Variants in SDCCAG8 observed in about 807,000 individuals in gnomAD.
SDCCAG8 encodes serologically defined colon cancer antigen 8.
A neutral mutation model predicts 101.8 loss-of-function variants in SDCCAG8; 74 were observed. The observed-to-expected ratio is 0.73, with a 90% confidence interval of 0.60 to 0.88. The LOEUF is 0.88. Among genes scored for constraint, SDCCAG8 ranks in the 40% least tolerant of loss-of-function variants. The pLI, the probability that SDCCAG8 is intolerant of heterozygous loss-of-function variation, is 0.00. For synonymous variants in SDCCAG8, 281 were observed against 292.9 expected (o/e 0.96, Z 0.41); for missense variants, 787 against 822.6 (o/e 0.96, Z 0.53).
chr1:243,393,837 A>G (rs2078876365), intron 13 of SDCCAG8, among the ~76,000 whole-genome samples: 1 of 152,214 alleles, frequency 6.6e-6, no homozygotes, highest in African/African-American at 2.4e-5. Context: ...TGATACAGGC[A>G]TTTCTACTTA....
chr1:243,411,795 G>A (rs1245863583), intron 13 of SDCCAG8, among the ~76,000 whole-genome samples: 1 of 152,140 alleles, frequency 6.6e-6, no homozygotes, highest in African/African-American at 2.4e-5. Flanking sequence ...CCTAGCCATG[G>A]TTAGACTATA....
At chr1:243,466,778 A>T (rs1488175484) in intron 16 of SDCCAG8, among the ~76,000 whole-genome samples, 1 of 152,268 alleles carries the variant, frequency 6.6e-6, no homozygotes, top group Non-Finnish European at 1.5e-5. Context: ...GAAGGTGCTC[A>T]AGTCCAGCAG....
At position 243,293,498 on chromosome 1, in the gene SDCCAG8, T is replaced by C. The variant is rs768383689; in HGVS notation, c.675+279T>C. On this transcript the variant is annotated intron_variant, in intron 6 of 17. Transcript: ENST00000366541. ...GATGACCTCTCTTCAACTTTCGGTC[T>C]GTATAAATTTGCCTATTTCAGATAC... The C allele has an allele frequency of 2.0e-5, 11 of 562,216 alleles. No individual in the cohort carries two copies. The highest frequency in any genetic ancestry group is 3.7e-5 in the Non-Finnish European group (11 of 296,648). The allele number at this position is 562,216 out of a possible 1,614,324, so 34.8% of individuals were successfully genotyped here. A position where few individuals can be genotyped will look rare whatever the true frequency, so the allele number is the denominator to read the frequency against.
In SDCCAG8 at chr1:243,299,459, G is replaced by A. The variant is rs138827898; in HGVS notation, c.676-5254G>A. Among the ~76,000 whole-genome samples the A allele has an allele frequency of 1.4e-3, 218 of 152,208 alleles. 1 individual carries two copies. Among genetic ancestry groups the A allele is most frequent in the African/African-American group, 5.0e-3 (208 of 41,544 alleles). On this transcript the variant is annotated intron_variant, in intron 6 of 17. Coordinates refer to ENST00000366541, the MANE Select transcript of SDCCAG8 (RefSeq NM_006642.5). ...GCAGGGTTTCGCTTTTGTTGCCCAG[G>A]CTGGAGTGCAATGGCATGATCTTGG... is the stretch of plus-strand genomic sequence containing the variant.
intron 9 of SDCCAG8, among the ~76,000 whole-genome samples, chr1:243,320,207 C>T (rs1207943580): frequency 6.6e-6 from 1 of 152,136 alleles, no homozygotes; most frequent in Non-Finnish European, 1.5e-5. Context: ...GAGTTTCTAA[C>T]GTTTTCTTGA....
chr1:243,387,994 G>A (rs868646893), intron 13 of SDCCAG8, among the ~76,000 whole-genome samples: 5 of 152,268 alleles, frequency 3.3e-5, no homozygotes, highest in Middle Eastern at 3.4e-3. Flanking sequence ...AGGATTACAG[G>A]TGTGAGCCAC....
At chr1:243,380,344 T>C (rs1211166519) in intron 13 of SDCCAG8, among the ~76,000 whole-genome samples, 1 of 152,220 alleles carries the variant, frequency 6.6e-6, no homozygotes, top group Admixed American at 6.5e-5. Context: ...TAGTTTTTCT[T>C]TTCTGTCAGA....
chr1:243,341,256 C>A (rs2075366413), intron 11 of SDCCAG8, 83 bp downstream of exon 11: 3 of 1,495,300 alleles, frequency 2.0e-6, no homozygotes, highest in Admixed American at 3.5e-5. Flanking sequence ...AAAACTCTTA[C>A]TGTTATCAGG....
intron 12 of SDCCAG8, among the ~76,000 whole-genome samples, chr1:243,370,989 CA>C (rs1294961602): frequency 6.6e-6 from 1 of 152,066 alleles, no homozygotes; most frequent in Non-Finnish European, 1.5e-5. Context: ...AAGGTGTAGA[CA>C]GTGGGACTTG....
intron 1 of SDCCAG8, among the ~76,000 whole-genome samples, chr1:243,265,129 G>A (rs568862175): frequency 2.4e-4 from 37 of 152,162 alleles, no homozygotes; most frequent in Middle Eastern, 3.2e-3. Context: ...AATCATCTGA[G>A]TGTTATTCTT....
At chr1:243,354,890 C>T (rs1480315008) in intron 12 of SDCCAG8, among the ~76,000 whole-genome samples, 1 of 152,054 alleles carries the variant, frequency 6.6e-6, no homozygotes, top group African/African-American at 2.4e-5. Context: ...TTTACAGATC[C>T]CTGGCATGTT....
At chr1:243,497,054 T>C (rs74153904) in intron 17 of SDCCAG8, among the ~76,000 whole-genome samples, 2,005 of 152,236 alleles carry the variant, frequency 0.013, 41 homozygotes, top group African/African-American at 0.046. Flanking sequence ...GGCTGAGGGC[T>C]CATGTCCCAC....
chr1:243,298,194 G>A (rs377328656), intron 6 of SDCCAG8, among the ~76,000 whole-genome samples: 23 of 151,498 alleles, frequency 1.5e-4, no homozygotes, highest in Admixed American at 5.9e-4. Context: ...GATTACGGGC[G>A]CATGCCACCA....
At chr1:243,380,846 A>G (rs1178868930) in intron 13 of SDCCAG8, among the ~76,000 whole-genome samples, 1 of 152,194 alleles carries the variant, frequency 6.6e-6, no homozygotes, top group Admixed American at 6.5e-5. Flanking sequence ...TTTAAAGATG[A>G]CAATTAGAAA....
At chr1:243,492,604 GTTT>G (rs74162289) in intron 17 of SDCCAG8, among the ~76,000 whole-genome samples, 46 of 58,870 alleles carry the variant, frequency 7.8e-4, no homozygotes, top group African/African-American at 2.8e-3. Flanking sequence ...GCGCCCAGCT[GTTT>G]TTTTTTTTTT....
intron 1 of SDCCAG8, among the ~76,000 whole-genome samples, chr1:243,256,644 G>A (rs376871274): frequency 2.0e-5 from 3 of 152,190 alleles, no homozygotes; most frequent in African/African-American, 7.2e-5. Context: ...TCAGTGGGGG[G>A]AAACACTAAT....
chr1:243,457,396 C>T (rs2083845967), intron 16 of SDCCAG8, among the ~76,000 whole-genome samples: 1 of 152,116 alleles, frequency 6.6e-6, no homozygotes, highest in Non-Finnish European at 1.5e-5. Context: ...TCATTCAGAA[C>T]CGAATATTTT....
chr1:243,411,397 G>T (rs536539706), intron 13 of SDCCAG8, among the ~76,000 whole-genome samples: 4 of 152,260 alleles, frequency 2.6e-5, no homozygotes. Context: ...GATTACAGGT[G>T]TAAGCCACTG....
chr1:243,285,625 C>T (rs543881698), intron 4 of SDCCAG8, among the ~76,000 whole-genome samples: 4 of 152,248 alleles, frequency 2.6e-5, no homozygotes, highest in Admixed American at 6.5e-5. Context: ...ATTATTGAAA[C>T]GTTTTTCCAG....
Sources: allele counts gnomAD v4.1 joint callset (sites outside exome capture counted in the v4.1 genomes callset), GRCh38; gene constraint gnomAD v4.1.1; transcripts MANE v1.5; gene names NCBI Gene and HGNC (gene_info 2026-07-23, HGNC 2026-07-21).